Variants in PKP4 observed in about 807,000 individuals in gnomAD.
PKP4 encodes plakophilin-4.
PKP4 carries 90 observed loss-of-function variants against 145.1 expected under a neutral mutation model. The ratio of observed to expected loss-of-function variants is 0.62; its 90% CI spans 0.52 to 0.74. PKP4 has a LOEUF of 0.74. Among genes scored for constraint, PKP4 ranks in the 30% least tolerant of loss-of-function variants. The probability of loss-of-function intolerance (pLI) is 0.00; values close to 1 mark genes in which losing one functional copy is unlikely to be tolerated. For synonymous variants in PKP4, 563 were observed against 577.2 expected (o/e 0.98, Z 0.35); for missense variants, 1,340 against 1,482.7 (o/e 0.90, Z 1.58).
chr2:158,526,071 A>G lies in PKP4; in HGVS notation c.-5-7109A>G, dbSNP rs980916284. On this transcript the variant is annotated intron_variant, in intron 1 of 21. Transcript: ENST00000389759. ...ACCAGAGATACAAGGAGGAACTGGT[A>G]CCATTCCTTCTGAAACTATTCCAAT... Among the ~76,000 whole-genome samples the G allele has an allele frequency of 8.8e-3, 1,333 of 151,820 alleles. 19 individuals carry two copies. Among genetic ancestry groups the G allele is most frequent in the African/African-American group, 0.03 (1,224 of 41,302 alleles).
chr2:158,582,210 TA>T (rs1454119587), intron 3 of PKP4, among the ~76,000 whole-genome samples: 2 of 152,314 alleles, frequency 1.3e-5, no homozygotes, highest in Non-Finnish European at 1.5e-5. Context: ...TGGAATGAAT[TA>T]ATAAAGAAGT....
intron 7 of PKP4, among the ~76,000 whole-genome samples, chr2:158,628,485 A>G (rs1442898836): frequency 2.6e-5 from 4 of 152,166 alleles, no homozygotes; most frequent in Non-Finnish European, 4.4e-5. Context: ...ATAGTTTACT[A>G]CTATTTATTA....
chr2:158,606,351 A>G (rs1324880147), intron 4 of PKP4, among the ~76,000 whole-genome samples: 1 of 151,924 alleles, frequency 6.6e-6, no homozygotes, highest in Non-Finnish European at 1.5e-5. Context: ...AAAAAAAAAT[A>G]ATAATAAAAT....
At position 158,674,260 on chromosome 2, in the gene PKP4, G is replaced by A. The variant is rs147725282; in HGVS notation, c.3127+260G>A. ...TCTGCCTCACTAAGTGTGAGAAGGG[G>A]CCCTGAAACCTGCAGTTGACAGACT... On this transcript the variant is annotated intron_variant, in intron 19 of 21. Transcript: ENST00000389759. Among the ~76,000 whole-genome samples the A allele has an allele frequency of 9.8e-5, 15 of 152,302 alleles. No homozygotes were observed. In the East Asian group the frequency reaches 2.1e-3, roughly 22 times the overall value.
intron 4 of PKP4, among the ~76,000 whole-genome samples, chr2:158,618,391 G>A (rs745810094): frequency 2.0e-5 from 3 of 152,094 alleles, no homozygotes; most frequent in Non-Finnish European, 4.4e-5. Flanking sequence ...GTTCTAGTTA[G>A]CATCTCAGTG....
intron 21 of PKP4, among the ~76,000 whole-genome samples, chr2:158,679,935 T>TC (rs1182088769): frequency 6.6e-6 from 1 of 152,248 alleles, no homozygotes; most frequent in Non-Finnish European, 1.5e-5. Context: ...GTGGACTCCA[T>TC]CTTCATATCT....
chr2:158,550,408 C>A (rs1242719276), intron 2 of PKP4, among the ~76,000 whole-genome samples: 1 of 152,054 alleles, frequency 6.6e-6, no homozygotes, highest in African/African-American at 2.4e-5. Context: ...GTCATGTAAC[C>A]ATAATCAATA....
intron 4 of PKP4, among the ~76,000 whole-genome samples, chr2:158,617,869 G>A (rs1481763053): frequency 2.0e-5 from 3 of 152,116 alleles, no homozygotes; most frequent in Admixed American, 6.5e-5. Flanking sequence ...TTATCATTGG[G>A]CTCTACTAAG....
At chr2:158,574,312 C>T (rs914569144) in intron 2 of PKP4, among the ~76,000 whole-genome samples, 27 of 150,626 alleles carry the variant, frequency 1.8e-4, no homozygotes, top group African/African-American at 6.7e-4. Flanking sequence ...ATATAAGCTC[C>T]CCCTATAATT....
intron 21 of PKP4, among the ~76,000 whole-genome samples, chr2:158,679,702 G>A (rs528303590): frequency 2.0e-5 from 3 of 152,348 alleles, no homozygotes; most frequent in East Asian, 1.9e-4. Context: ...AGTGTGCCCT[G>A]TGTGGGTGCC....
chr2:158,496,379 T>C (rs1320338081), intron 1 of PKP4, among the ~76,000 whole-genome samples: 2 of 152,208 alleles, frequency 1.3e-5, no homozygotes, highest in African/African-American at 2.4e-5. Flanking sequence ...TTCATTTAAA[T>C]TGAAGGCCTT....
At chr2:158,515,962 T>C (rs1341158112) in intron 1 of PKP4, among the ~76,000 whole-genome samples, 1 of 152,042 alleles carries the variant, frequency 6.6e-6, no homozygotes, top group Non-Finnish European at 1.5e-5. Context: ...GGCAGGATCG[T>C]GTGACCTAGG....
intron 2 of PKP4, among the ~76,000 whole-genome samples, chr2:158,561,621 C>G (rs1406876915): frequency 2.6e-5 from 4 of 152,208 alleles, no homozygotes; most frequent in Admixed American, 2.6e-4. Flanking sequence ...AACTTCATAT[C>G]TAATTTAGAC....
Position 158,640,628 on chromosome 2 carries a change from G to A in PKP4, c.1564G>A (p.Glu522Lys), listed in dbSNP as rs1192142811. 3 of 1,612,658 alleles carry A rather than the reference G, an allele frequency of 1.9e-6. No homozygotes were observed. The highest frequency in any genetic ancestry group is 2.5e-6 in the Non-Finnish European group (3 of 1,179,898). Residue 522 changes from glutamate (E) to lysine (K), a missense_variant and splice_region_variant, in exon 10 of 22, where the codon GAG becomes AAG. Coordinates refer to ENST00000389759, the MANE Select transcript of PKP4 (RefSeq NM_003628.6). ...SIDSIQKDPR[E>K]FAWRDPELPE... ...TGAAGCCATGTTTTTCTCATGTAGG[G>A]AGTTTGCCTGGCGTGATCCTGAGTT...
At position 158,677,122 on chromosome 2, in the gene PKP4, C is replaced by G. The variant is rs1043371537; in HGVS notation, c.3256+255C>G. 1.1e-5 allele frequency: 5 copies of G among 456,312 alleles called. No homozygotes were observed. In the Admixed American group the frequency reaches 1.2e-4, roughly 11 times the overall value. The allele number at this position is 456,312 out of a possible 1,614,324, so 28.3% of individuals were successfully genotyped here. A position where few individuals can be genotyped will look rare whatever the true frequency, so the allele number is the denominator to read the frequency against. ...GGCACAAATAAAAAGAGGGCTGTAT[C>G]CAAATAAATCATTTCTGGCTGCTCA... On this transcript the variant is annotated intron_variant, in intron 20 of 21. Transcript: ENST00000389759.
At chr2:158,505,885 T>C (rs890776652) in intron 1 of PKP4, among the ~76,000 whole-genome samples, 2 of 152,034 alleles carry the variant, frequency 1.3e-5, no homozygotes, top group East Asian at 3.9e-4. Flanking sequence ...TGTGCCCACC[T>C]TTCCACCAGC....
intron 1 of PKP4, among the ~76,000 whole-genome samples, chr2:158,463,145 AAGGGCCTTTTTAAGT>A (rs1690035512): frequency 6.6e-6 from 1 of 152,198 alleles, no homozygotes. Context: ...CACAGTAATT[AAGGGCCTTTTTAAGT>A]AGGGAAGTTG....
At chr2:158,491,956 G>T (rs1197558959) in intron 1 of PKP4, among the ~76,000 whole-genome samples, 1 of 151,914 alleles carries the variant, frequency 6.6e-6, no homozygotes, top group Non-Finnish European at 1.5e-5. Flanking sequence ...GCACAGGTGC[G>T]CATCACCATG....
chr2:158,624,742 TA>T, intron 6 of PKP4, 135 bp from the exon 7 acceptor site: 2 of 587,858 alleles, frequency 3.4e-6, no homozygotes, highest in Non-Finnish European at 5.6e-6. Context: ...GCTCAAAGCA[TA>T]AAAAGGAAAA....
Sources: gnomAD v4.1 joint callset for allele counts (sites outside exome capture counted in the v4.1 genomes callset) on GRCh38, gnomAD v4.1.1 for gene constraint, MANE v1.5 for transcripts, NCBI Gene and HGNC (gene_info 2026-07-23, HGNC 2026-07-21) for gene names.